The following KCNIP4 variants were observed in gnomAD, a reference collection of about 807,000 sequenced individuals.
KCNIP4 encodes the protein Kv channel-interacting protein 4.
Under a neutral mutation model 34.0 loss-of-function variants are expected in KCNIP4, and 12 were observed. That is an observed-to-expected ratio of 0.35 (90% CI 0.23 to 0.57). KCNIP4 has a LOEUF of 0.57. Among genes scored for constraint, KCNIP4 ranks in the 20% least tolerant of loss-of-function variants. The probability of loss-of-function intolerance (pLI) is 0.83; values close to 1 mark genes in which losing one functional copy is unlikely to be tolerated. For synonymous variants in KCNIP4, 124 were observed against 102.2 expected (o/e 1.21, Z -1.29); for missense variants, 238 against 311.7 (o/e 0.76, Z 1.78).
At chr4:20,753,008 A>G (rs963294251) in intron 4 of KCNIP4, 1 of 151,370 alleles carries the variant, frequency 6.6e-6, no homozygotes, top group Non-Finnish European at 1.5e-5. Context: ...ATTCCTTTAC[A>G]TAACAAAAAT....
chr4:21,171,668 T>C (rs1754031092), intron 1 of KCNIP4, among the ~76,000 whole-genome samples: 1 of 152,184 alleles, frequency 6.6e-6, no homozygotes, highest in Admixed American at 6.5e-5. Flanking sequence ...CCCTTCTTTT[T>C]AGCTTGGTGA....
chr4:20,887,343 C>T lies in KCNIP4; in HGVS notation c.62-4634G>A, dbSNP rs1725425387. 2.6e-5 allele frequency among the ~76,000 whole-genome samples: 4 copies of T among 151,210 alleles called. No individual in the cohort carries two copies. The South Asian group carries it at 8.4e-4, about 32-fold the overall frequency. ...TTGAAGCAATAATGACCAAAATATT[C>T]CACATATGTTTTAAAACACAAGTGA... On this transcript the variant is annotated intron_variant, in intron 1 of 8. Coordinates refer to ENST00000382152, the MANE Select transcript of KCNIP4 (RefSeq NM_025221.6).
At chr4:21,362,447 A>G (rs2109410499) in intron 1 of KCNIP4, among the ~76,000 whole-genome samples, 1 of 152,276 alleles carries the variant, frequency 6.6e-6, no homozygotes, top group Non-Finnish European at 1.5e-5. Context: ...TGGTATTAGA[A>G]AAGGTATGAG....
At chr4:20,870,500 G>A (rs925023688) in intron 2 of KCNIP4, among the ~76,000 whole-genome samples, 5 of 152,050 alleles carry the variant, frequency 3.3e-5, no homozygotes, top group Admixed American at 6.6e-5. Context: ...TTCTAGCAAT[G>A]TGAGAACAAA....
intron 1 of KCNIP4, among the ~76,000 whole-genome samples, chr4:21,836,862 A>C: frequency 6.6e-6 from 1 of 151,524 alleles, no homozygotes; most frequent in Admixed American, 6.6e-5. Context: ...CCCAAAGTGC[A>C]GAGGTATTAA....
chr4:21,267,019 T>C (rs1761856766), intron 1 of KCNIP4, among the ~76,000 whole-genome samples: 1 of 152,164 alleles, frequency 6.6e-6, no homozygotes, highest in Admixed American at 6.5e-5. Flanking sequence ...TGCTATAATG[T>C]AGGTTATGTG....
intron 1 of KCNIP4, among the ~76,000 whole-genome samples, chr4:21,190,364 G>C (rs1364840): frequency 4.6e-5 from 7 of 151,320 alleles, no homozygotes; most frequent in South Asian, 2.1e-4. Flanking sequence ...GTATTGGTTC[G>C]TTGGTATTTG....
At chr4:21,430,493 G>A (rs1055897538) in intron 1 of KCNIP4, among the ~76,000 whole-genome samples, 2 of 151,992 alleles carry the variant, frequency 1.3e-5, no homozygotes, top group Non-Finnish European at 2.9e-5. Context: ...CCATACTTAT[G>A]ACAGTGAAGA....
intron 1 of KCNIP4, among the ~76,000 whole-genome samples, chr4:21,306,411 C>T (rs1712471849): frequency 6.6e-6 from 1 of 152,174 alleles, no homozygotes; most frequent in Non-Finnish European, 1.5e-5. Context: ...GGGTTTTGCT[C>T]TGTAGCCCAG....
intron 1 of KCNIP4, among the ~76,000 whole-genome samples, chr4:21,178,699 C>T (rs1280727402): frequency 6.6e-6 from 1 of 152,042 alleles, no homozygotes; most frequent in African/African-American, 2.4e-5. Context: ...TCCTCCTGTC[C>T]TGTCGTCAGC....
intron 1 of KCNIP4, among the ~76,000 whole-genome samples, chr4:21,361,093 G>GT (rs1719174336): frequency 6.6e-6 from 1 of 151,748 alleles, no homozygotes; most frequent in Non-Finnish European, 1.5e-5. Flanking sequence ...CTATTTTCCA[G>GT]TTTCTTATTC....
At chr4:21,207,847 T>C (rs1363613442) in intron 1 of KCNIP4, among the ~76,000 whole-genome samples, 4 of 149,548 alleles carry the variant, frequency 2.7e-5, no homozygotes, top group East Asian at 3.9e-4. Context: ...CTTTTTCTTT[T>C]TTTTTTTTTT....
chr4:21,724,173 T>C (rs1715023225), intron 1 of KCNIP4, among the ~76,000 whole-genome samples: 1 of 152,066 alleles, frequency 6.6e-6, no homozygotes, highest in Non-Finnish European at 1.5e-5. Context: ...CTGGTCAAAC[T>C]ATCACAGAGC....
At chr4:20,796,541 T>C (rs956487964) in intron 3 of KCNIP4, among the ~76,000 whole-genome samples, 5 of 151,704 alleles carry the variant, frequency 3.3e-5, no homozygotes, top group African/African-American at 4.8e-5. Context: ...TGTTTAATAA[T>C]AACACTCTGG....
chr4:21,504,350 C>T (rs1733618801), intron 1 of KCNIP4, among the ~76,000 whole-genome samples: 1 of 151,364 alleles, frequency 6.6e-6, no homozygotes, highest in Non-Finnish European at 1.5e-5. Context: ...TGCCTGTAAT[C>T]CCAGCTACTG....
intron 1 of KCNIP4, among the ~76,000 whole-genome samples, chr4:21,110,678 T>A (rs1749084578): frequency 6.6e-6 from 1 of 152,174 alleles, no homozygotes; most frequent in African/African-American, 2.4e-5. Context: ...CATTAGGAGG[T>A]GAGGGTCTTT....
At chr4:21,841,003 A>G (rs957396708) in intron 1 of KCNIP4, among the ~76,000 whole-genome samples, 2 of 152,198 alleles carry the variant, frequency 1.3e-5, no homozygotes, top group African/African-American at 2.4e-5. Flanking sequence ...CTTTGAAATT[A>G]ATTGTTGCTA....
At chr4:21,111,782 G>A (rs773053062) in intron 1 of KCNIP4, among the ~76,000 whole-genome samples, 1 of 152,146 alleles carries the variant, frequency 6.6e-6, no homozygotes, top group East Asian at 1.9e-4. Flanking sequence ...ACAGGACAGG[G>A]TGGAGACAGT....
intron 3 of KCNIP4, among the ~76,000 whole-genome samples, chr4:20,822,332 C>G (rs984796936): frequency 6.6e-6 from 1 of 152,118 alleles, no homozygotes; most frequent in South Asian, 2.1e-4. Context: ...TTCAACATCA[C>G]TAATTATCAG....
Sources: gnomAD v4.1 joint callset for allele counts (sites outside exome capture counted in the v4.1 genomes callset) on GRCh38, gnomAD v4.1.1 for gene constraint, MANE v1.5 for transcripts, NCBI Gene and HGNC (gene_info 2026-07-23, HGNC 2026-07-21) for gene names.